COL13A1: variants seen among roughly 807,000 people sequenced by gnomAD.
The protein encoded by COL13A1 is collagen type XIII alpha 1 chain.
In COL13A1, 89 loss-of-function variants were observed where a neutral mutation model predicts 130.9. The ratio of observed to expected loss-of-function variants is 0.68; its 90% CI spans 0.57 to 0.81. COL13A1 has a LOEUF of 0.81. Among genes scored for constraint, COL13A1 ranks in the 30% least tolerant of loss-of-function variants. The pLI is 0.00. For missense variants in COL13A1, 879 were observed against 934.6 expected, an observed-to-expected ratio of 0.94 and a Z score of 0.78; for synonymous variants, 402 against 341.6, an observed-to-expected ratio of 1.18 and a Z score of -1.95.
chr10:69,822,456 T>A lies in COL13A1; in HGVS notation c.364+18T>A. On this transcript the variant is annotated intron_variant, in intron 2 of 40. Transcript: ENST00000645393. ...CCCACCAGGTAAGCAGCCCTGCAAA[T>A]AGGTGACCGCGGATGTTCCTAAGAC... 1 of 1,570,570 alleles carries A rather than the reference T, an allele frequency of 6.4e-7. No individual in the cohort carries two copies. The highest frequency in any genetic ancestry group is 2.4e-5 in the East Asian group (1 of 42,122).
intron 21 of COL13A1, among the ~76,000 whole-genome samples, chr10:69,921,176 C>T (rs1406506032): frequency 6.6e-6 from 1 of 152,200 alleles, no homozygotes; most frequent in Non-Finnish European, 1.5e-5. Context: ...CTCCAAGCCT[C>T]TCTCCCGGCT....
At chr10:69,873,749 C>T (rs1176407811) in intron 4 of COL13A1, among the ~76,000 whole-genome samples, 5 of 152,324 alleles carry the variant, frequency 3.3e-5, no homozygotes, top group South Asian at 2.1e-4. Context: ...TTCGGATCCA[C>T]GGGTCATGGT....
At chr10:69,949,939 TGTGTGTGTGCGTGTGTTTGTGTGTGC>T in intron 38 of COL13A1, among the ~76,000 whole-genome samples, 1 of 144,672 alleles carries the variant, frequency 6.9e-6, no homozygotes, top group African/African-American at 2.4e-5. Context: ...TTTGTGTGTG[TGTGTGTGTGCGTGTGTTTGTGTGTGC>T]GTGTGTGTGT....
chr10:69,907,057 C>T (rs574188965), intron 17 of COL13A1, among the ~76,000 whole-genome samples: 46 of 152,262 alleles, frequency 3.0e-4, no homozygotes, highest in African/African-American at 8.7e-4. Flanking sequence ...CCACTGTGGG[C>T]CTTCCACTAG....
intron 1 of COL13A1, among the ~76,000 whole-genome samples, chr10:69,813,504 T>C (rs1007097993): frequency 1.3e-5 from 2 of 152,082 alleles, no homozygotes; most frequent in Non-Finnish European, 2.9e-5. Flanking sequence ...ACAGAGGCAG[T>C]ATGTGGTATC....
intron 2 of COL13A1, among the ~76,000 whole-genome samples, chr10:69,859,726 C>G (rs1361754076): frequency 6.6e-6 from 1 of 152,216 alleles, no homozygotes; most frequent in Non-Finnish European, 1.5e-5. Context: ...CCAGTCCAGT[C>G]GCAGGTCACA....
In COL13A1 at chr10:69,868,821, G is replaced by A. The variant is rs75339627; in HGVS notation, c.372+1016G>A. ...ATCACAGTGAGGCAGGACCTGTCAT[G>A]TCATTACTTGAAAGGAAGGATAATG... On this transcript the variant is annotated intron_variant, in intron 3 of 40. Coordinates refer to ENST00000645393, the MANE Select transcript of COL13A1 (RefSeq NM_001368882.1). 1.0e-2 allele frequency among the ~76,000 whole-genome samples: 1,519 copies of A among 152,320 alleles called. 12 individuals are homozygous for A. The highest frequency in any genetic ancestry group is 0.012 in the Non-Finnish European group (828 of 68,020).
At chr10:69,952,860 C>T (rs376330827) in intron 38 of COL13A1, 22 bp from the exon 39 acceptor site, 312 of 1,495,316 alleles carry the variant, frequency 2.1e-4, no homozygotes, top group Non-Finnish European at 2.5e-4. Flanking sequence ...GTTTTTTTCT[C>T]GGACTAAACC....
In COL13A1 at chr10:69,842,646, C is replaced by T. The variant is rs1460519764; in HGVS notation, c.364+20208C>T. ...TTCCTGGGCATTTGGTACAACTGTGCTCCATGAGGCTGTAGTGTACACTAC... is the reference window on the plus strand; with the variant it reads ...TTCCTGGGCATTTGGTACAACTGTGTTCCATGAGGCTGTAGTGTACACTAC... On this transcript the variant is annotated intron_variant, in intron 2 of 40. Coordinates refer to ENST00000645393, the MANE Select transcript of COL13A1 (RefSeq NM_001368882.1). Among the ~76,000 whole-genome samples the T allele has an allele frequency of 4.6e-5, 7 of 152,364 alleles. No individual in the cohort carries two copies. The East Asian group carries it at 1.4e-3, about 29-fold the overall frequency.
In COL13A1 at chr10:69,896,348, C is replaced by T. The variant is rs1281836489; in HGVS notation, c.684+772C>T. ...TCTTGGGACAGGGGAGAGCAAGATA[C>T]GCACAGCTTCCTCCAGTAGGAGCCC... On this transcript the variant is annotated intron_variant, in intron 13 of 40. Transcript: ENST00000645393. Among the ~76,000 whole-genome samples the T allele has an allele frequency of 3.9e-5, 6 of 152,258 alleles. No individual in the cohort carries two copies. The South Asian group carries it at 8.3e-4, about 21-fold the overall frequency.
intron 1 of COL13A1, among the ~76,000 whole-genome samples, chr10:69,811,996 C>T (rs2683554): frequency 0.7 from 107,011 of 151,926 alleles, 37,787 homozygotes; most frequent in Non-Finnish European, 0.74. Flanking sequence ...CTCCCCAGCC[C>T]GAGCTGCCCC....
chr10:69,861,638 C>A (rs1414746536), intron 2 of COL13A1, among the ~76,000 whole-genome samples: 3 of 152,196 alleles, frequency 2.0e-5, no homozygotes, highest in Non-Finnish European at 2.9e-5. Flanking sequence ...ACTTGCTTCC[C>A]CTGAGTCTCA....
chr10:69,922,865 G>A lies in COL13A1; in HGVS notation c.1230+71G>A, dbSNP rs567162027. The stretch of plus-strand genomic sequence containing the variant: ...ACTTTGTCTTCAGCCTGTTCTCGGG[G>A]ACTCTACGTCCCGGACATCCCGCCT... On this transcript the variant is annotated intron_variant, in intron 23 of 40. Transcript: ENST00000645393. The A allele has an allele frequency of 8.8e-5, 94 of 1,062,392 alleles. 2 individuals carry two copies. The South Asian group carries it at 1.5e-3, about 17-fold the overall frequency. 65.8% of individuals were successfully genotyped at this position (1,062,392 alleles called of 1,614,324 possible). A position where few individuals can be genotyped will look rare whatever the true frequency, so the allele number is the denominator to read the frequency against.
intron 33 of COL13A1, among the ~76,000 whole-genome samples, chr10:69,937,200 G>A (rs568454137): frequency 5.0e-4 from 76 of 152,300 alleles, no homozygotes; most frequent in African/African-American, 1.7e-3. Context: ...AGGGGGCTGG[G>A]GGCTGTTGAT....
intron 10 of COL13A1, 59 bp from the exon 11 acceptor site, chr10:69,894,491 GGT>G: frequency 6.2e-7 from 1 of 1,600,676 alleles, no homozygotes; most frequent in Non-Finnish European, 8.5e-7. Context: ...CACCCAGGCA[GGT>G]GTCCCTGATT....
intron 25 of COL13A1, 54 bp from the exon 26 acceptor site, chr10:69,925,750 C>T (rs1048293664): frequency 7.1e-7 from 1 of 1,404,392 alleles, no homozygotes; most frequent in Non-Finnish European, 9.9e-7. Context: ...GCCACAGTTG[C>T]CCTCCCGGCC....
chr10:69,810,371 A>G (rs1171237359), intron 1 of COL13A1, among the ~76,000 whole-genome samples: 2 of 106,090 alleles, frequency 1.9e-5, no homozygotes, highest in African/African-American at 3.4e-5. Context: ...AGAGAGAGAG[A>G]GAGAGAGAGA....
chr10:69,834,692 A>G (rs1849601973), intron 2 of COL13A1, among the ~76,000 whole-genome samples: 1 of 152,182 alleles, frequency 6.6e-6, no homozygotes, highest in African/African-American at 2.4e-5. Context: ...AGGACTTTCA[A>G]TGCCAGCGCC....
intron 2 of COL13A1, among the ~76,000 whole-genome samples, chr10:69,842,371 G>A (rs1207286101): frequency 6.6e-6 from 1 of 152,184 alleles, no homozygotes; most frequent in Non-Finnish European, 1.5e-5. Flanking sequence ...TCTCAGGTAT[G>A]CCTTTATCAG....
Sources: allele counts gnomAD v4.1 joint callset (sites outside exome capture counted in the v4.1 genomes callset), GRCh38; gene constraint gnomAD v4.1.1; transcripts MANE v1.5; gene names NCBI Gene and HGNC (gene_info 2026-07-23, HGNC 2026-07-21).